The following KCNH7 variants were observed in gnomAD, a reference collection of about 807,000 sequenced individuals.
KCNH7 encodes the protein potassium voltage-gated channel subfamily H member 7, also known as voltage-gated inwardly rectifying potassium channel KCNH7.
In KCNH7, 49 loss-of-function variants were observed where a neutral mutation model predicts 120.8. The observed-to-expected ratio is 0.41, with a 90% CI of 0.32 to 0.51. The LOEUF (loss-of-function observed/expected upper bound fraction) is 0.51. Ranked by LOEUF, KCNH7 falls within the 20% of genes least tolerant of loss-of-function variation. The probability of loss-of-function intolerance (pLI) is 0.38; values close to 1 mark genes in which losing one functional copy is unlikely to be tolerated. For synonymous variants in KCNH7, 547 were observed against 516.1 expected, an observed-to-expected ratio of 1.06 and a Z score of -0.81; for missense variants, 1,097 against 1,446.6, an observed-to-expected ratio of 0.76 and a Z score of 3.92.
At chr2:162,503,642 A>G (rs1450789964) in intron 6 of KCNH7, among the ~76,000 whole-genome samples, 1 of 151,996 alleles carries the variant, frequency 6.6e-6, no homozygotes, top group East Asian at 1.9e-4. Flanking sequence ...AAAAACTTCA[A>G]TGCTTGGGAT....
At chr2:162,505,884 T>G (rs574149144) in intron 5 of KCNH7, among the ~76,000 whole-genome samples, 1 of 151,982 alleles carries the variant, frequency 6.6e-6, no homozygotes, top group African/African-American at 2.4e-5. Context: ...AAAATTAGAC[T>G]TTAAGATTTT....
At position 162,698,123 on chromosome 2, in the gene KCNH7, C is replaced by A. The variant is rs1686358719; in HGVS notation, c.307+138414G>T. On this transcript the variant is annotated intron_variant, in intron 2 of 15. Transcript: ENST00000332142. ...CTTTTCTCTAATTACTTCTCCTCAA[C>A]CTTGAGTCTGCTATTCTCCTGTTTT... is the stretch of plus-strand genomic sequence containing the variant. 4.6e-5 allele frequency among the ~76,000 whole-genome samples: 7 copies of A among 152,228 alleles called. 1 individual carries two copies. In the South Asian group the frequency reaches 1.2e-3, roughly 27 times the overall value.
intron 2 of KCNH7, among the ~76,000 whole-genome samples, chr2:162,779,268 T>G (rs1247962997): frequency 2.0e-5 from 3 of 152,100 alleles, no homozygotes; most frequent in Non-Finnish European, 4.4e-5. Context: ...TGGCGTAATC[T>G]CGGCTCACTG....
chr2:162,570,497 G>C (rs1006700609), intron 2 of KCNH7, among the ~76,000 whole-genome samples: 3 of 152,002 alleles, frequency 2.0e-5, no homozygotes, highest in African/African-American at 7.2e-5. Flanking sequence ...TTGCCAGTCT[G>C]TGTCTTTTAA....
intron 2 of KCNH7, among the ~76,000 whole-genome samples, chr2:162,751,606 T>C (rs1228659128): frequency 6.6e-6 from 1 of 151,850 alleles, no homozygotes; most frequent in Non-Finnish European, 1.5e-5. Context: ...AAACTCATAA[T>C]TGATATGTAG....
At chr2:162,390,157 C>A (rs943707687) in intron 12 of KCNH7, among the ~76,000 whole-genome samples, 7 of 151,634 alleles carry the variant, frequency 4.6e-5, no homozygotes, top group African/African-American at 1.5e-4. Flanking sequence ...CAACAGAAAG[C>A]GTTGAGCAGA....
chr2:162,603,944 A>G (rs1694645197), intron 2 of KCNH7, among the ~76,000 whole-genome samples: 1 of 152,164 alleles, frequency 6.6e-6, no homozygotes, highest in South Asian at 2.1e-4. Context: ...GTGTTTAAAT[A>G]TACACCTTAA....
intron 2 of KCNH7, among the ~76,000 whole-genome samples, chr2:162,631,588 A>G (rs1683769475): frequency 6.6e-6 from 1 of 151,862 alleles, no homozygotes; most frequent in Non-Finnish European, 1.5e-5. Context: ...GAAAAAGGTT[A>G]TTGCTAAAAT....
At chr2:162,805,170 C>T (rs1573909188) in intron 2 of KCNH7, among the ~76,000 whole-genome samples, 1 of 151,724 alleles carries the variant, frequency 6.6e-6, no homozygotes, top group East Asian at 1.9e-4. Flanking sequence ...GGACACTGAC[C>T]TAGGCAAAGA....
At chr2:162,811,778 CATG>C (rs1164912095) in intron 2 of KCNH7, among the ~76,000 whole-genome samples, 12 of 152,170 alleles carry the variant, frequency 7.9e-5, no homozygotes, top group African/African-American at 2.9e-4. Context: ...AAGAAGACTT[CATG>C]ATTAGAAGAA....
chr2:162,490,108 G>T (rs936686558), intron 6 of KCNH7, among the ~76,000 whole-genome samples: 1 of 152,242 alleles, frequency 6.6e-6, no homozygotes, highest in Non-Finnish European at 1.5e-5. Context: ...ACAGTAAGGG[G>T]AGGGTCCCTG....
At chr2:162,396,605 G>T in intron 11 of KCNH7, 135 bp downstream of exon 11, 1 of 632,290 alleles carries the variant, frequency 1.6e-6, no homozygotes, top group Non-Finnish European at 2.7e-6. Flanking sequence ...TATTCAGTTG[G>T]CCTTTCCTTC....
chr2:162,604,913 A>G (rs1694680441), intron 2 of KCNH7, among the ~76,000 whole-genome samples: 1 of 152,156 alleles, frequency 6.6e-6, no homozygotes, highest in African/African-American at 2.4e-5. Flanking sequence ...TGGATTTTTT[A>G]GTATACAAAA....
At chr2:162,575,428 T>G (rs1693636852) in intron 2 of KCNH7, among the ~76,000 whole-genome samples, 1 of 152,042 alleles carries the variant, frequency 6.6e-6, no homozygotes, top group Admixed American at 6.6e-5. Flanking sequence ...CTGTTACCTG[T>G]ATACAGATTT....
At chr2:162,503,468 G>A (rs190586737) in intron 6 of KCNH7, among the ~76,000 whole-genome samples, 24 of 152,074 alleles carry the variant, frequency 1.6e-4, no homozygotes, top group Non-Finnish European at 2.8e-4. Context: ...CAAGAATGGC[G>A]TGTATAATTT....
chr2:162,521,661 A>G lies in KCNH7; in HGVS notation c.464-3503T>C, dbSNP rs531615725. Among the ~76,000 whole-genome samples the G allele has an allele frequency of 3.9e-5, 6 of 151,986 alleles. No individual in the cohort carries two copies. The South Asian group carries it at 1.2e-3, about 31-fold the overall frequency. On this transcript the variant is annotated intron_variant, in intron 3 of 15. Transcript: ENST00000332142. ...TGTACATATTTATGAAGTGCATGTG[A>G]TATTTTGATGCAAGAATACATTGTG...
At chr2:162,530,757 A>C (rs118033965) in intron 3 of KCNH7, among the ~76,000 whole-genome samples, 2 of 152,066 alleles carry the variant, frequency 1.3e-5, no homozygotes, top group East Asian at 3.9e-4. Flanking sequence ...CTGGAACAAC[A>C]ATGTTTGAAA....
Position 162,373,557 on chromosome 2 carries a change from T to C in KCNH7, c.3237A>G (p.Glu1079=). 1 of 1,597,226 alleles carries C rather than the reference T, an allele frequency of 6.3e-7. No individual in the cohort carries two copies. Among genetic ancestry groups the C allele is most frequent in the Non-Finnish European group, 8.5e-7 (1 of 1,171,880 alleles). ...TCAGCTGGATGATGGGTCTCTGATATTCTGATCCTGCTGTTACCATACTGT... is the reference window on the plus strand; with the variant it reads ...TCAGCTGGATGATGGGTCTCTGATACTCTGATCCTGCTGTTACCATACTGT... ...PAYSMVTAGS[E]YQRPIIQLMR... The change falls in exon 15 of 16, where the codon GAA becomes GAG. Residue 1079 remains glutamate, a synonymous_variant. Transcript: ENST00000332142.
At chr2:162,648,662 G>A (rs938016212) in intron 2 of KCNH7, among the ~76,000 whole-genome samples, 29 of 152,064 alleles carry the variant, frequency 1.9e-4, no homozygotes, top group African/African-American at 7.0e-4. Flanking sequence ...TAAGTCAGGG[G>A]TCGACAAACT....
Sources: allele counts gnomAD v4.1 joint callset (sites outside exome capture counted in the v4.1 genomes callset), GRCh38; gene constraint gnomAD v4.1.1; transcripts MANE v1.5; gene names NCBI Gene and HGNC (gene_info 2026-07-23, HGNC 2026-07-21).